HEPHL1: variants seen among roughly 807,000 people sequenced by gnomAD.
HEPHL1 encodes ferroxidase HEPHL1.
HEPHL1 carries 123 observed loss-of-function variants against 122.0 expected under a neutral mutation model. The ratio of observed to expected loss-of-function variants is 1.01; its 90% CI spans 0.87 to 1.17. The LOEUF is 1.17. HEPHL1 is among the 50% of genes most tolerant of loss of function. HEPHL1 has a pLI of 0.00. For synonymous variants in HEPHL1, 527 were observed against 508.9 expected (o/e 1.04, Z -0.48); for missense variants, 1,452 against 1,430.5 (o/e 1.01, Z -0.24).
chr11:94,086,421 A>G (rs376562989), intron 11 of HEPHL1, among the ~76,000 whole-genome samples: 1 of 152,226 alleles, frequency 6.6e-6, no homozygotes, highest in Non-Finnish European at 1.5e-5. Flanking sequence ...GGAGCCTTCT[A>G]AAGTCTTTGG....
rs180876363 is a variant in HEPHL1 at position 94,033,441 on chromosome 11, C to A, written c.170+11903C>A. Among the ~76,000 whole-genome samples, 3 of 152,168 alleles carry A rather than the reference C, an allele frequency of 2.0e-5. No homozygotes were observed. In the East Asian group the frequency reaches 5.8e-4, roughly 29 times the overall value. On this transcript the variant is annotated intron_variant, in intron 1 of 19. Coordinates refer to ENST00000315765, the MANE Select transcript of HEPHL1 (RefSeq NM_001098672.2). ...CCGAAGACTCTGGAGCACTGTGTGGCCTGGCCATTTGTGTAGGGTAAGAAG... is the reference window on the plus strand; with the variant it reads ...CCGAAGACTCTGGAGCACTGTGTGGACTGGCCATTTGTGTAGGGTAAGAAG...
chr11:94,063,840 C>A, intron 3 of HEPHL1, 120 bp downstream of exon 3: 1 of 797,174 alleles, frequency 1.3e-6, no homozygotes. Flanking sequence ...TTTAGAAATT[C>A]TGACATGGAA....
Position 94,067,703 on chromosome 11 carries a change from A to T in HEPHL1, c.1016A>T (p.Asn339Ile). ...TFLTTEMIAE[N>I]PGKWMITCQV... Reference sequence around the variant, plus strand: ...CTTACAACAGAAATGATAGCCGAGAATCCTGGGAAGTGGATGATAACCTGC... The same window carrying T: ...CTTACAACAGAAATGATAGCCGAGATTCCTGGGAAGTGGATGATAACCTGC... Residue 339 changes from asparagine to isoleucine, a missense_variant, in exon 5 of 20, where the codon AAT becomes ATT. Asn to Ile is a moderately radical substitution (Grantham distance 149, BLOSUM62 -3). Transcript: ENST00000315765. The T allele has an allele frequency of 6.2e-7, 1 of 1,613,764 alleles. No homozygotes were observed. The highest frequency in any genetic ancestry group is 8.5e-7 in the Non-Finnish European group (1 of 1,179,744).
At chr11:94,053,633 A>T (rs542856162) in intron 2 of HEPHL1, among the ~76,000 whole-genome samples, 1 of 152,234 alleles carries the variant, frequency 6.6e-6, no homozygotes, top group African/African-American at 2.4e-5. Context: ...CCTGTATCTC[A>T]TAAATTTTGA....
chr11:94,081,128 G>A (rs1946167319), intron 9 of HEPHL1, among the ~76,000 whole-genome samples: 1 of 152,170 alleles, frequency 6.6e-6, no homozygotes, highest in African/African-American at 2.4e-5. Flanking sequence ...AAACGAATGA[G>A]ATCATGTCCT....
chr11:94,103,080 G>C lies in HEPHL1; in HGVS notation c.2682+60G>C, dbSNP rs540121059. The C allele has an allele frequency of 6.7e-5, 64 of 958,814 alleles. No homozygotes were observed. The African/African-American group carries it at 9.5e-4, about 14-fold the overall frequency. 59.4% of individuals were successfully genotyped at this position (958,814 alleles called of 1,614,324 possible). ...AATTTGGATGAAAGTTGACTACTTG[G>C]GTCATCACAATTTGGGTTGGTATAT... On this transcript the variant is annotated intron_variant, in intron 15 of 19. Coordinates refer to ENST00000315765, the MANE Select transcript of HEPHL1 (RefSeq NM_001098672.2).
Position 94,093,500 on chromosome 11 carries a change from G to A in HEPHL1, c.2295-1G>A, listed in dbSNP as rs370148739. On this transcript the variant is annotated splice_acceptor_variant, in intron 12 of 19. Coordinates refer to ENST00000315765, the MANE Select transcript of HEPHL1 (RefSeq NM_001098672.2). LOFTEE classifies it high-confidence loss of function. ...TAATTTCTGATGCTTCTGATTTGCAGACATGGAGATATATTTATGAACCGC... is the reference window on the plus strand; with the variant it reads ...TAATTTCTGATGCTTCTGATTTGCAAACATGGAGATATATTTATGAACCGC... 17 of 1,613,324 alleles carry A rather than the reference G, an allele frequency of 1.1e-5. No homozygotes were observed. Among genetic ancestry groups the A allele is most frequent in the Non-Finnish European group, 1.4e-5 (17 of 1,179,658 alleles).
chr11:94,045,737 T>C lies in HEPHL1; in HGVS notation c.235T>C (p.Tyr79His). 1 of 1,613,660 alleles carries C rather than the reference T, an allele frequency of 6.2e-7. No individual in the cohort carries two copies. The highest frequency in any genetic ancestry group is 8.5e-7 in the Non-Finnish European group (1 of 1,179,730). Reference protein sequence around the residue: ...RIGSIYKKAVYRRFTDGTYSI... With the variant: ...RIGSIYKKAVHRRFTDGTYSI... ...AGGCAGTATTTACAAAAAGGCTGTTTACAGACGCTTCACGGATGGAACCTA... is the reference window on the plus strand; with the variant it reads ...AGGCAGTATTTACAAAAAGGCTGTTCACAGACGCTTCACGGATGGAACCTA... The change falls in exon 2 of 20, where the codon TAC becomes CAC. Residue 79 changes from tyrosine (Y) to histidine (H), a missense_variant. Tyr to His is a moderately conservative substitution (Grantham distance 83). Coordinates refer to ENST00000315765, the MANE Select transcript of HEPHL1 (RefSeq NM_001098672.2).
intron 13 of HEPHL1, among the ~76,000 whole-genome samples, chr11:94,095,427 A>AT (rs969512426): frequency 2.0e-5 from 3 of 152,184 alleles, no homozygotes; most frequent in African/African-American, 7.2e-5. Flanking sequence ...GTCAGGTAGC[A>AT]TGATGCCTCC....
At chr11:94,086,280 T>C in intron 11 of HEPHL1, 91 bp downstream of exon 11, 1 of 939,042 alleles carries the variant, frequency 1.1e-6, no homozygotes, top group Non-Finnish European at 1.7e-6. Flanking sequence ...TGGTAGACTT[T>C]GTGCACTTCA....
At chr11:94,057,166 C>G (rs992595347) in intron 2 of HEPHL1, among the ~76,000 whole-genome samples, 1 of 152,050 alleles carries the variant, frequency 6.6e-6, no homozygotes, top group Admixed American at 6.6e-5. Flanking sequence ...TTTTGTCTAT[C>G]TGATTTCAAT....
chr11:94,045,328 G>A (rs932903378), intron 1 of HEPHL1, among the ~76,000 whole-genome samples: 1 of 152,238 alleles, frequency 6.6e-6, no homozygotes, highest in Admixed American at 6.5e-5. Flanking sequence ...TCTAGTCACA[G>A]GCTGAGAATG....
intron 17 of HEPHL1, among the ~76,000 whole-genome samples, chr11:94,109,141 T>C (rs1946429940): frequency 1.3e-5 from 2 of 152,154 alleles, no homozygotes; most frequent in Non-Finnish European, 2.9e-5. Context: ...ATGATAGTGT[T>C]TTTATTTTGA....
intron 1 of HEPHL1, among the ~76,000 whole-genome samples, chr11:94,034,735 A>C (rs1398247867): frequency 1.3e-5 from 2 of 152,180 alleles, no homozygotes; most frequent in Non-Finnish European, 2.9e-5. Context: ...AGCAGATGCC[A>C]CCCTGGGCCA....
At chr11:94,029,525 A>G (rs1446586399) in intron 1 of HEPHL1, among the ~76,000 whole-genome samples, 1 of 152,258 alleles carries the variant, frequency 6.6e-6, no homozygotes, top group Non-Finnish European at 1.5e-5. Context: ...ATCTTAGGAA[A>G]AAATACAGAT....
At chr11:94,079,621 G>A (rs770800413) in intron 9 of HEPHL1, among the ~76,000 whole-genome samples, 3 of 152,158 alleles carry the variant, frequency 2.0e-5, no homozygotes, top group South Asian at 2.1e-4. Context: ...TATCAAAGCT[G>A]AGGGAATACA....
intron 5 of HEPHL1, among the ~76,000 whole-genome samples, chr11:94,068,148 A>G (rs1946049181): frequency 6.6e-6 from 1 of 152,218 alleles, no homozygotes; most frequent in Non-Finnish European, 1.5e-5. Flanking sequence ...GCCTTGAAAT[A>G]TGAGTAGGAA....
chr11:94,059,138 C>A (rs1234206489), intron 2 of HEPHL1, among the ~76,000 whole-genome samples: 2 of 151,986 alleles, frequency 1.3e-5, no homozygotes, highest in Non-Finnish European at 2.9e-5. Flanking sequence ...ATGTGTATAT[C>A]CTTGCTCATT....
intron 17 of HEPHL1, among the ~76,000 whole-genome samples, chr11:94,107,842 A>G (rs763112245): frequency 6.9e-4 from 75 of 108,896 alleles, no homozygotes; most frequent in Admixed American, 3.3e-3. Context: ...TCAAGTCATT[A>G]CAAACATTTG....
Sources: gnomAD v4.1 joint callset for allele counts (sites outside exome capture counted in the v4.1 genomes callset) on GRCh38, gnomAD v4.1.1 for gene constraint, MANE v1.5 for transcripts, NCBI Gene and HGNC (gene_info 2026-07-23, HGNC 2026-07-21) for gene names.